Variants in MYO1F observed in about 807,000 individuals in gnomAD.
The protein encoded by MYO1F is myosin IF.
Under a neutral mutation model 146.6 loss-of-function variants are expected in MYO1F, and 60 were observed. The observed-to-expected ratio is 0.41, with a 90% CI of 0.33 to 0.51. The LOEUF is 0.51. MYO1F is among the 20% of genes least tolerant of loss of function. MYO1F has a pLI of 0.25. For missense variants in MYO1F, 1,274 were observed against 1,534.3 expected (o/e 0.83, Z 2.83); for synonymous variants, 602 against 602.1 (o/e 1.00, Z 0.00).
intron 1 of MYO1F, among the ~76,000 whole-genome samples, chr19:8,573,144 T>TA (rs1181864624): frequency 4.6e-5 from 7 of 151,726 alleles, no homozygotes; most frequent in African/African-American, 1.5e-4. Context: ...CCATCTCTAC[T>TA]AAAAAAATAG....
intron 1 of MYO1F, among the ~76,000 whole-genome samples, chr19:8,574,942 G>C (rs2042209989): frequency 6.6e-6 from 1 of 151,464 alleles, no homozygotes; most frequent in Non-Finnish European, 1.5e-5. Context: ...TTTTAGTAGA[G>C]ACAGGGTTTT....
chr19:8,553,884 A>T (rs1207826221), intron 4 of MYO1F, among the ~76,000 whole-genome samples: 36 of 82,288 alleles, frequency 4.4e-4, no homozygotes, highest in African/African-American at 1.5e-3. Flanking sequence ...ACACACACAC[A>T]CACACACACA....
At chr19:8,545,842 G>T in intron 12 of MYO1F, 106 bp from the exon 13 acceptor site, 1 of 843,318 alleles carries the variant, frequency 1.2e-6, no homozygotes, top group Non-Finnish European at 2.1e-6. Flanking sequence ...GACTGTCTCT[G>T]GTAACAAAGC....
chr19:8,536,281 T>A lies in MYO1F; in HGVS notation c.2014A>T (p.Thr672Ser). 1 of 1,607,436 alleles carries A rather than the reference T, an allele frequency of 6.2e-7. No homozygotes were observed. Among genetic ancestry groups the A allele is most frequent in the South Asian group, 1.1e-5 (1 of 91,082 alleles). The change falls in exon 19 of 28, where the codon ACC becomes TCC. Residue 672 changes from threonine to serine, a missense_variant. Physicochemically the swap from Thr to Ser is moderately conservative, Grantham distance 58. Coordinates refer to ENST00000644032, the MANE Select transcript of MYO1F (RefSeq NM_012335.4). ...MEPDQYQMGSTKVFVKNPESL... is the reference protein window; with the variant it reads ...MEPDQYQMGSSKVFVKNPESL... ...TCTGGGTTCTTGACAAAGACCTTGG[T>A]GCTCCCCATCTGGTACTGGTCGGGC...
chr19:8,550,290 C>G lies in MYO1F; in HGVS notation c.971G>C (p.Arg324Pro). 6.2e-7 allele frequency: 1 copy of G among 1,614,094 alleles called. No individual in the cohort carries two copies. ...SGRLQEKLTS[R>P]KMDSRWGGRS... The stretch of plus-strand genomic sequence containing the variant: ...CCCGCCCCAGCGGCTGTCCATCTTG[C>G]GGCTGGTCAGCTTCTCCTGCAGTCG... The change falls in exon 10 of 28, where the codon CGC (arginine) becomes CCC (proline). Residue 324 changes from arginine (R) to proline (P), a missense_variant. This residue lies in a region of MYO1F where 900 missense variants were observed against 1,155.1 expected (regional missense o/e 0.78). Coordinates refer to ENST00000644032, the MANE Select transcript of MYO1F (RefSeq NM_012335.4).
intron 12 of MYO1F, 99 bp from the exon 13 acceptor site, chr19:8,545,835 T>C (rs1973325817): frequency 3.4e-6 from 3 of 876,756 alleles, no homozygotes; most frequent in Non-Finnish European, 5.9e-6. Flanking sequence ...CACTTAGGAC[T>C]GTCTCTGGTA....
At chr19:8,573,999 T>TA (rs1415310102) in intron 1 of MYO1F, among the ~76,000 whole-genome samples, 1 of 152,184 alleles carries the variant, frequency 6.6e-6, no homozygotes, top group African/African-American at 2.4e-5. Flanking sequence ...ATCATCATCT[T>TA]ACCAGAAACC....
At chr19:8,574,567 CTTTCTT>C (rs1280239443) in intron 1 of MYO1F, among the ~76,000 whole-genome samples, 5 of 89,356 alleles carry the variant, frequency 5.6e-5, no homozygotes, top group African/African-American at 1.6e-4. Flanking sequence ...TTCTTTCTTT[CTTTCTT>C]TCTTTCTCTC....
At chr19:8,550,808 C>T in intron 8 of MYO1F, 114 bp from the exon 9 acceptor site, 3 of 1,402,464 alleles carry the variant, frequency 2.1e-6, no homozygotes, top group Non-Finnish European at 3.0e-6. Flanking sequence ...CCTTGGGTCC[C>T]TGTCCTACCC....
At chr19:8,536,231 C>G in intron 19 of MYO1F, 21 bp downstream of exon 19, 2 of 1,601,938 alleles carry the variant, frequency 1.2e-6, no homozygotes, top group South Asian at 1.1e-5. Context: ...CCTTCTCTGC[C>G]TGTCCCTCAA....
At chr19:8,561,864 G>T (rs559335346) in intron 1 of MYO1F, among the ~76,000 whole-genome samples, 6 of 151,522 alleles carry the variant, frequency 4.0e-5, no homozygotes, top group African/African-American at 1.5e-4. Flanking sequence ...CTATAGGCGC[G>T]CACCACCACA....
intron 1 of MYO1F, among the ~76,000 whole-genome samples, chr19:8,561,353 C>T (rs1268454654): frequency 1.8e-5 from 2 of 112,768 alleles, no homozygotes; most frequent in East Asian, 2.3e-4. Flanking sequence ...GCATGAATTC[C>T]CTCCCTCCCT....
chr19:8,527,493 T>C lies in MYO1F; in HGVS notation c.2329-10A>G, dbSNP rs372016506. On this transcript the variant is annotated splice_polypyrimidine_tract_variant and intron_variant, in intron 21 of 27. Coordinates refer to ENST00000644032, the MANE Select transcript of MYO1F (RefSeq NM_012335.4). ...AGTCCCGCTTGATGGGCTGTGGGGATGCAGGATTAGAGGCTGATGCCTGTA... is the reference window on the plus strand; with the variant it reads ...AGTCCCGCTTGATGGGCTGTGGGGACGCAGGATTAGAGGCTGATGCCTGTA... The C allele has an allele frequency of 1.1e-5, 17 of 1,613,624 alleles. No homozygotes were observed. Among genetic ancestry groups the C allele is most frequent in the Non-Finnish European group, 1.4e-5 (17 of 1,179,888 alleles).
chr19:8,526,326 TAAAA>T, intron 24 of MYO1F, 123 bp downstream of exon 24: 6 of 1,438,264 alleles, frequency 4.2e-6, no homozygotes, highest in Non-Finnish European at 4.7e-6. Flanking sequence ...GACTCCGTCT[TAAAA>T]AAACCACAAA....
At chr19:8,553,059 G>T in intron 6 of MYO1F, 80 bp downstream of exon 6, 1 of 1,298,522 alleles carries the variant, frequency 7.7e-7, no homozygotes, top group Non-Finnish European at 1.1e-6. Context: ...GGCAATACGG[G>T]TGTGTGTATG....
intron 1 of MYO1F, among the ~76,000 whole-genome samples, chr19:8,570,372 AT>A (rs374201524): frequency 1.1e-3 from 161 of 143,320 alleles, no homozygotes; most frequent in African/African-American, 2.6e-3. Flanking sequence ...ACCCAGCCAC[AT>A]TTTTTTTTTT....
chr19:8,551,757 C>T lies in MYO1F; in HGVS notation c.754G>A (p.Asp252Asn), dbSNP rs1319063292. The change falls in exon 8 of 28, where the codon GAC (aspartate) becomes AAC (asparagine). Residue 252 changes from aspartate to asparagine, a missense_variant. By Grantham distance (23) the Asp-to-Asn change is conservative. Around this residue, in one of 2 missense-constraint regions of MYO1F, gnomAD observed 900 missense variants for 1,155.1 expected, o/e 0.78. Coordinates refer to ENST00000644032, the MANE Select transcript of MYO1F (RefSeq NM_012335.4). The stretch of plus-strand genomic sequence containing the variant: ...GTGCTCACCAGAGTCTCACCAAAGT[C>T]GCTTCTGTCGTCCGTGCCGTCCACC... ...YQVDGTDDRS[D>N]FGETLSAMQV... 5.6e-6 allele frequency: 9 copies of T among 1,614,020 alleles called. No homozygotes were observed. The highest frequency in any genetic ancestry group is 1.7e-5 in the Admixed American group (1 of 59,982).
intron 1 of MYO1F, among the ~76,000 whole-genome samples, chr19:8,574,609 CTTTCTT>C (rs1568381428): frequency 6.4e-4 from 40 of 62,372 alleles, no homozygotes; most frequent in Admixed American, 3.9e-3. Flanking sequence ...TTCTTTCTTT[CTTTCTT>C]TCTTTCTTTC....
At chr19:8,574,581 C>CTTTCTTTCTTTCTTTCTT (rs2042178855) in intron 1 of MYO1F, among the ~76,000 whole-genome samples, 1 of 97,278 alleles carries the variant, frequency 1.0e-5, no homozygotes, top group Non-Finnish European at 2.1e-5. Context: ...CTTTCTTTCT[C>CTTTCTTTCTTTCTTTCTT]TCTCTCTCTC....
Sources: gnomAD v4.1 joint callset for allele counts (sites outside exome capture counted in the v4.1 genomes callset) on GRCh38, gnomAD v4.1.1 for gene constraint, gnomAD v4.1.1 regional missense constraint, MANE v1.5 for transcripts, NCBI Gene and HGNC (gene_info 2026-07-23, HGNC 2026-07-21) for gene names.